PDE11A: variants seen among roughly 807,000 people sequenced by gnomAD.
PDE11A encodes dual 3',5'-cyclic-AMP and -GMP phosphodiesterase 11A.
A neutral mutation model predicts 100.5 loss-of-function variants in PDE11A; 100 were observed. The observed-to-expected ratio is 1.00, with a 90% CI of 0.85 to 1.18. PDE11A has a LOEUF of 1.18. Among genes scored for constraint, PDE11A ranks in the 50% most tolerant of loss-of-function variants. The probability of loss-of-function intolerance (pLI) is 0.00; values close to 1 mark genes in which losing one functional copy is unlikely to be tolerated. For synonymous variants in PDE11A, 381 were observed against 420.8 expected (o/e 0.91, Z 1.16); for missense variants, 1,141 against 1,152.6 (o/e 0.99, Z 0.15).
intron 2 of PDE11A, among the ~76,000 whole-genome samples, chr2:177,971,449 C>A (rs907190359): frequency 6.6e-6 from 1 of 152,132 alleles, no homozygotes; most frequent in African/African-American, 2.4e-5. Context: ...TAGCAATTAT[C>A]CTACCTCCAC....
intron 2 of PDE11A, among the ~76,000 whole-genome samples, chr2:177,912,438 T>C (rs1300098633): frequency 2.0e-5 from 3 of 152,182 alleles, no homozygotes; most frequent in African/African-American, 4.8e-5. Flanking sequence ...ACATCTATTC[T>C]CTTTGACTTT....
intron 9 of PDE11A, among the ~76,000 whole-genome samples, chr2:177,811,473 T>C (rs2082948004): frequency 7.2e-6 from 1 of 138,248 alleles, no homozygotes; most frequent in African/African-American, 2.9e-5. Flanking sequence ...ATCAAAATAA[T>C]TGAGTTGATA....
At chr2:177,955,414 G>C (rs1164706302) in intron 2 of PDE11A, among the ~76,000 whole-genome samples, 2 of 152,278 alleles carry the variant, frequency 1.3e-5, no homozygotes, top group Admixed American at 6.5e-5. Flanking sequence ...ATAAGTTACT[G>C]GTCATGAGTG....
At chr2:178,007,674 C>A (rs913403909) in intron 2 of PDE11A, among the ~76,000 whole-genome samples, 1 of 151,894 alleles carries the variant, frequency 6.6e-6, no homozygotes, top group Non-Finnish European at 1.5e-5. Flanking sequence ...TTGCTAATGA[C>A]CGACTTTTAA....
chr2:177,692,618 C>T (rs1054180349), intron 15 of PDE11A, among the ~76,000 whole-genome samples: 6 of 152,128 alleles, frequency 3.9e-5, no homozygotes, highest in African/African-American at 1.4e-4. Context: ...GAAATCATTT[C>T]AGAAAGTTGC....
chr2:178,056,915 G>A (rs1025598), intron 1 of PDE11A, among the ~76,000 whole-genome samples: 12,004 of 152,008 alleles, frequency 0.079, 481 homozygotes, highest in Middle Eastern at 0.14. Context: ...GGAGGGAGAA[G>A]GGGAAAAATG....
At chr2:177,683,268 T>C (rs575706907) in intron 15 of PDE11A, 4 of 152,386 alleles carry the variant, frequency 2.6e-5, no homozygotes, top group Non-Finnish European at 5.9e-5. Context: ...ACATACAGCA[T>C]GGAAGAATCT....
rs1341590585 is a variant in PDE11A, at chr2:177,884,965, T to C, written c.1303-9042A>G. Among the ~76,000 whole-genome samples, 8 of 152,288 alleles carry C rather than the reference T, an allele frequency of 5.3e-5. No homozygotes were observed. The East Asian group carries it at 1.5e-3, about 29-fold the overall frequency. On this transcript the variant is annotated intron_variant, in intron 4 of 19. Coordinates refer to ENST00000286063, the MANE Select transcript of PDE11A (RefSeq NM_016953.4). ...GTTACTTACTAAATGGTGATGGTTCTATTGGCTAAATAGGAAATATCAGAG... is the reference window on the plus strand; with the variant it reads ...GTTACTTACTAAATGGTGATGGTTCCATTGGCTAAATAGGAAATATCAGAG...
chr2:177,949,227 G>A (rs886750291), intron 2 of PDE11A, among the ~76,000 whole-genome samples: 19 of 151,982 alleles, frequency 1.3e-4, no homozygotes, highest in African/African-American at 4.6e-4. Context: ...TTATAGAAGT[G>A]ATCTGTTACA....
At chr2:177,851,142 T>C (rs2083693643) in intron 5 of PDE11A, among the ~76,000 whole-genome samples, 1 of 152,062 alleles carries the variant, frequency 6.6e-6, no homozygotes, top group Non-Finnish European at 1.5e-5. Flanking sequence ...AACCCAAATG[T>C]CCAACAACGA....
At chr2:177,633,310 A>G (rs2079983633) in intron 19 of PDE11A, among the ~76,000 whole-genome samples, 1 of 152,260 alleles carries the variant, frequency 6.6e-6, no homozygotes, top group Admixed American at 6.5e-5. Flanking sequence ...CAACAGGAAG[A>G]ATAGCTCTTT....
intron 2 of PDE11A, among the ~76,000 whole-genome samples, chr2:177,941,375 C>T (rs2085343871): frequency 6.6e-6 from 1 of 152,192 alleles, no homozygotes; most frequent in Non-Finnish European, 1.5e-5. Flanking sequence ...CCCCTCCACC[C>T]TTCCACATCT....
chr2:177,801,591 C>T (rs1172311185), intron 9 of PDE11A, among the ~76,000 whole-genome samples: 2 of 152,048 alleles, frequency 1.3e-5, no homozygotes, highest in African/African-American at 4.8e-5. Context: ...GAATGCAGAA[C>T]AGAAATGGGC....
chr2:177,814,458 G>A (rs375285839), intron 9 of PDE11A, among the ~76,000 whole-genome samples: 13 of 152,210 alleles, frequency 8.5e-5, no homozygotes, highest in African/African-American at 3.1e-4. Flanking sequence ...GATGCCACCT[G>A]ATCACTAGTG....
chr2:177,992,941 C>T (rs2086021924), intron 2 of PDE11A, among the ~76,000 whole-genome samples: 2 of 152,014 alleles, frequency 1.3e-5, no homozygotes, highest in African/African-American at 4.8e-5. Flanking sequence ...ATTCTTAACT[C>T]TCATGGCTGA....
chr2:177,812,180 A>C (rs976825840), intron 9 of PDE11A, among the ~76,000 whole-genome samples: 1 of 152,026 alleles, frequency 6.6e-6, no homozygotes, highest in Non-Finnish European at 1.5e-5. Flanking sequence ...TTAACTTATA[A>C]TTTTTGTAGG....
rs6716288 is a variant in PDE11A at position 177,881,338 on chromosome 2, T to A, written c.1303-5415A>T. Among the ~76,000 whole-genome samples the A allele has an allele frequency of 7.5e-3, 1,035 of 138,574 alleles. 11 individuals carry two copies. Among genetic ancestry groups the A allele is most frequent in the African/African-American group, 0.027 (985 of 36,778 alleles). The allele number at this position is 138,574 out of a possible 152,430, so 90.9% of individuals were successfully genotyped here. A position where few individuals can be genotyped will look rare whatever the true frequency, so the allele number is the denominator to read the frequency against. On this transcript the variant is annotated intron_variant, in intron 4 of 19. Transcript: ENST00000286063. ...TTTATCTCTATCTATCTATCATCTATCTGTCTATCTATCTATCTATCTATC... is the reference window on the plus strand; with the variant it reads ...TTTATCTCTATCTATCTATCATCTAACTGTCTATCTATCTATCTATCTATC...
chr2:177,922,976 C>T (rs1172198189), intron 2 of PDE11A: 1 of 227,358 alleles, frequency 4.4e-6, no homozygotes, highest in African/African-American at 2.3e-5. Flanking sequence ...TTTACAAGGA[C>T]CAGTTCAAAT....
At chr2:177,705,130 G>A (rs1342399737) in intron 13 of PDE11A, among the ~76,000 whole-genome samples, 1 of 152,054 alleles carries the variant, frequency 6.6e-6, no homozygotes, top group Non-Finnish European at 1.5e-5. Flanking sequence ...ATGAGCCACT[G>A]TGCCTGGCTG....
Sources: allele counts gnomAD v4.1 joint callset (sites outside exome capture counted in the v4.1 genomes callset), GRCh38; gene constraint gnomAD v4.1.1; transcripts MANE v1.5; gene names NCBI Gene and HGNC (gene_info 2026-07-23, HGNC 2026-07-21).